COL4A3: variants seen among roughly 807,000 people sequenced by gnomAD.
COL4A3 encodes collagen type IV alpha 3 chain.
A neutral mutation model predicts 217.4 loss-of-function variants in COL4A3; 135 were observed. The observed-to-expected ratio is 0.62, with a 90% CI of 0.54 to 0.72. The LOEUF (loss-of-function observed/expected upper bound fraction) is 0.72, where lower values mean the gene tolerates loss of function less well. Ranked by LOEUF, COL4A3 falls within the 30% of genes least tolerant of loss-of-function variation. The pLI, the probability that COL4A3 is intolerant of heterozygous loss-of-function variation, is 0.00. For missense variants in COL4A3, 1,868 were observed against 2,119.9 expected (o/e 0.88, Z 2.33); for synonymous variants, 690 against 736.3 (o/e 0.94, Z 1.02).
intron 1 of COL4A3, among the ~76,000 whole-genome samples, chr2:227,174,633 A>C (rs1182122330): frequency 6.6e-6 from 1 of 152,078 alleles, no homozygotes; most frequent in Non-Finnish European, 1.5e-5. Flanking sequence ...CAGCCTCCCG[A>C]GTAGCTGGGA....
chr2:227,266,173 T>C (rs2070877792), intron 21 of COL4A3, among the ~76,000 whole-genome samples: 1 of 150,312 alleles, frequency 6.7e-6, no homozygotes, highest in South Asian at 2.1e-4. Context: ...AGGTTGATTC[T>C]GTGACCAAAA....
At chr2:227,302,651 T>C (rs1022763095) in intron 43 of COL4A3, among the ~76,000 whole-genome samples, 1 of 117,784 alleles carries the variant, frequency 8.5e-6, no homozygotes, top group African/African-American at 3.5e-5. Context: ...CACTCCAGTC[T>C]GGAGGACAAA....
At chr2:227,304,467 TTGTC>T (rs765611495) in intron 46 of COL4A3, 10 of 346,652 alleles carry the variant, frequency 2.9e-5, no homozygotes, top group Non-Finnish European at 4.3e-5. Flanking sequence ...TTCTAAATGA[TTGTC>T]TGAATATACC....
rs1290238188 is a variant in COL4A3 at position 227,313,920 on chromosome 2, A to G, written c.*2050A>G. On this transcript the variant is annotated 3_prime_UTR_variant, in exon 52 of 52. Transcript: ENST00000396578. Reference sequence around the variant, plus strand: ...AGATGCAGATTCTAGGGACCACTCCAGACCTACACAATCAGAAACTCTTGG... The same window carrying G: ...AGATGCAGATTCTAGGGACCACTCCGGACCTACACAATCAGAAACTCTTGG... 2 of 152,232 alleles carry G rather than the reference A, an allele frequency of 1.3e-5. No homozygotes were observed. Among genetic ancestry groups the G allele is most frequent in the Admixed American group, 6.5e-5 (1 of 15,268 alleles). The allele number at this position is 152,232 out of a possible 1,614,324, so 9.4% of individuals were successfully genotyped here.
At chr2:227,287,230 G>T (rs1048376431) in intron 34 of COL4A3, among the ~76,000 whole-genome samples, 2 of 151,690 alleles carry the variant, frequency 1.3e-5, no homozygotes. Flanking sequence ...TCAAGAGATC[G>T]AGACCATCCT....
intron 5 of COL4A3, 129 bp from the exon 6 acceptor site, chr2:227,245,825 C>T (rs2069300842): frequency 2.6e-6 from 2 of 775,958 alleles, no homozygotes; most frequent in African/African-American, 1.7e-5. Flanking sequence ...CCACAATGTA[C>T]ATTTACTACT....
chr2:227,202,746 A>AAAT (rs1553738297), intron 1 of COL4A3, among the ~76,000 whole-genome samples: 87 of 22,156 alleles, frequency 3.9e-3, no homozygotes, highest in African/African-American at 9.9e-3. Flanking sequence ...AAAAAAAAAA[A>AAAT]ATATATATAT....
At chr2:227,225,696 C>A (rs2125838624) in intron 1 of COL4A3, among the ~76,000 whole-genome samples, 1 of 145,200 alleles carries the variant, frequency 6.9e-6, no homozygotes, top group African/African-American at 2.6e-5. Context: ...GTTAAGGGAA[C>A]AGCTTTTTCT....
At chr2:227,302,161 G>A (rs533339788) in intron 43 of COL4A3, among the ~76,000 whole-genome samples, 2 of 152,284 alleles carry the variant, frequency 1.3e-5, no homozygotes, top group East Asian at 1.9e-4. Flanking sequence ...CACAAGAAGA[G>A]AGCACCTCGT....
intron 18 of COL4A3, 82 bp downstream of exon 18, chr2:227,257,726 T>C (rs1015381148): frequency 5.6e-5 from 68 of 1,204,868 alleles, no homozygotes; most frequent in Non-Finnish European, 7.5e-5. Flanking sequence ...TCAGTGTCTC[T>C]CATTAACTGT....
At chr2:227,228,845 A>G (rs936887357) in intron 1 of COL4A3, among the ~76,000 whole-genome samples, 24 of 152,198 alleles carry the variant, frequency 1.6e-4, no homozygotes, top group Admixed American at 6.5e-5. Context: ...TCCCACCTGC[A>G]GTTTAGGGAA....
intron 1 of COL4A3, 34 bp from the exon 2 acceptor site, chr2:227,237,934 C>G (rs375825266): frequency 6.5e-6 from 10 of 1,548,872 alleles, no homozygotes; most frequent in Non-Finnish European, 8.9e-6. Context: ...TCAGCTGTTT[C>G]TAAACAAAAC....
At position 227,270,762 on chromosome 2, in the gene COL4A3, T is replaced by C. The variant is rs768102590; in HGVS notation, c.1576-8T>C. On this transcript the variant is annotated splice_region_variant and splice_polypyrimidine_tract_variant and intron_variant, in intron 24 of 51. Coordinates refer to ENST00000396578, the MANE Select transcript of COL4A3 (RefSeq NM_000091.5). ...ATACAATACAGATTCATTTGTGTACTACCCTAGGGTTTCCCAGGTGCCCAG... is the reference window on the plus strand; with the variant it reads ...ATACAATACAGATTCATTTGTGTACCACCCTAGGGTTTCCCAGGTGCCCAG... 12 of 1,613,280 alleles carry C rather than the reference T, an allele frequency of 7.4e-6. No individual in the cohort carries two copies. The highest frequency in any genetic ancestry group is 9.3e-6 in the Non-Finnish European group (11 of 1,179,290).
At chr2:227,208,306 G>T (rs1249649511) in intron 1 of COL4A3, among the ~76,000 whole-genome samples, 1 of 152,120 alleles carries the variant, frequency 6.6e-6, no homozygotes, top group Non-Finnish European at 1.5e-5. Flanking sequence ...ACAGTTTCAG[G>T]GTCATGCGGC....
Position 227,276,445 on chromosome 2 carries a change from C to T in COL4A3, c.1988C>T (p.Pro663Leu), listed in dbSNP as rs2071569291. Residue 663 changes from proline to leucine, a missense_variant, in exon 27 of 52, where the codon CCC (proline) becomes CTC (leucine). Physicochemically the swap from Pro to Leu is moderately conservative, Grantham distance 98 (BLOSUM62 -3). Transcript: ENST00000396578. ...CCAGGCCCACCAGGACCTCCAGGGC[C>T]CCCTGGCCATCCTGGCCCCCAAGGT... Reference protein sequence around the residue: ...PVPGPPGPPGPPGHPGPQGPP... With the variant: ...PVPGPPGPPGLPGHPGPQGPP... 1 of 1,614,172 alleles carries T rather than the reference C, an allele frequency of 6.2e-7. No individual in the cohort carries two copies. The highest frequency in any genetic ancestry group is 8.5e-7 in the Non-Finnish European group (1 of 1,180,004).
At chr2:227,290,190 CT>C in intron 36 of COL4A3, 102 bp downstream of exon 36, 1 of 1,158,246 alleles carries the variant, frequency 8.6e-7, no homozygotes, top group Non-Finnish European at 1.3e-6. Context: ...TGGTAGAAAG[CT>C]TATATTAAAA....
At chr2:227,284,060 G>A in intron 33 of COL4A3, 151 bp from the exon 34 acceptor site, 1 of 1,106,818 alleles carries the variant, frequency 9.0e-7, no homozygotes. Flanking sequence ...TTATGAGGCT[G>A]CCTGCCTGGG....
chr2:227,213,947 A>C (rs1290914709), intron 1 of COL4A3, among the ~76,000 whole-genome samples: 1 of 151,864 alleles, frequency 6.6e-6, no homozygotes, highest in East Asian at 1.9e-4. Context: ...AACACCGTAC[A>C]TATAAAGAAA....
Position 227,280,992 on chromosome 2 carries a change from T to C in COL4A3, c.2474T>C (p.Leu825Ser). Reference protein sequence around the residue: ...GAQGLPGLNGLKGQQGRRGKT... With the variant: ...GAQGLPGLNGSKGQQGRRGKT... ...CAAGGACTTCCAGGCTTAAATGGAT[T>C]GAAAGGGCAACAAGGTAGGAGGAGG... The change falls in exon 31 of 52, where the codon TTG (leucine) becomes TCG (serine). Residue 825 changes from leucine (L) to serine (S), a missense_variant. By Grantham distance (145) the Leu-to-Ser change is moderately radical. Coordinates refer to ENST00000396578, the MANE Select transcript of COL4A3 (RefSeq NM_000091.5). The C allele has an allele frequency of 1.3e-6, 2 of 1,561,206 alleles. No homozygotes were observed. The highest frequency in any genetic ancestry group is 1.7e-6 in the Non-Finnish European group (2 of 1,151,962).
Sources: allele counts gnomAD v4.1 joint callset (sites outside exome capture counted in the v4.1 genomes callset), GRCh38; gene constraint gnomAD v4.1.1; transcripts MANE v1.5; gene names NCBI Gene and HGNC (gene_info 2026-07-23, HGNC 2026-07-21).